Variants in ALDH1A2 observed in about 807,000 individuals in gnomAD.
ALDH1A2 encodes aldehyde dehydrogenase 1 family member A2.
ALDH1A2 carries 27 observed loss-of-function variants against 60.3 expected under a neutral mutation model. The ratio of observed to expected loss-of-function variants is 0.45; its 90% confidence interval spans 0.33 to 0.62. ALDH1A2 has a LOEUF of 0.62. ALDH1A2 is among the 20% of genes least tolerant of loss of function. ALDH1A2 has a pLI of 0.02. For missense variants in ALDH1A2, 581 were observed against 643.8 expected, an observed-to-expected ratio of 0.90 and a Z score of 1.06; for synonymous variants, 289 against 232.4, an observed-to-expected ratio of 1.24 and a Z score of -2.21.
chr15:57,973,948 C>T (rs1159294938), intron 7 of ALDH1A2, among the ~76,000 whole-genome samples: 2 of 152,180 alleles, frequency 1.3e-5, no homozygotes, highest in Non-Finnish European at 2.9e-5. Flanking sequence ...TTCTCTTTCC[C>T]AAATTCTCCC....
intron 1 of ALDH1A2, among the ~76,000 whole-genome samples, chr15:58,057,542 C>A (rs1290735382): frequency 2.6e-5 from 4 of 152,148 alleles, no homozygotes; most frequent in Non-Finnish European, 4.4e-5. Flanking sequence ...CAGGTACACA[C>A]ATTTGTTATA....
chr15:58,052,097 G>T (rs180710069), intron 1 of ALDH1A2, among the ~76,000 whole-genome samples: 38 of 152,186 alleles, frequency 2.5e-4, no homozygotes, highest in Admixed American at 1.0e-3. Context: ...ATTTCCGCTG[G>T]ATCTTTATGA....
chr15:57,999,424 A>G (rs1439178975), intron 4 of ALDH1A2, among the ~76,000 whole-genome samples: 1 of 152,228 alleles, frequency 6.6e-6, no homozygotes, highest in African/African-American at 2.4e-5. Flanking sequence ...CACGCAGCCA[A>G]AAAACATGAA....
chr15:57,956,232 G>A (rs1331443762), intron 12 of ALDH1A2, among the ~76,000 whole-genome samples: 1 of 152,218 alleles, frequency 6.6e-6, no homozygotes, highest in African/African-American at 2.4e-5. Flanking sequence ...GAGGGAAGGA[G>A]GAAGGGCGAG....
At chr15:57,965,061 G>T (rs571292332) in intron 8 of ALDH1A2, among the ~76,000 whole-genome samples, 1 of 152,118 alleles carries the variant, frequency 6.6e-6, no homozygotes, top group Non-Finnish European at 1.5e-5. Context: ...TTCCTTACCT[G>T]GAGAGCTTTT....
chr15:58,023,148 T>C (rs1595673148), intron 1 of ALDH1A2, among the ~76,000 whole-genome samples: 1 of 152,262 alleles, frequency 6.6e-6, no homozygotes, highest in South Asian at 2.1e-4. Flanking sequence ...AAATTTTTTT[T>C]TAAAGAAACA....
intron 7 of ALDH1A2, chr15:57,980,676 G>A (rs778047595): frequency 2.8e-5 from 5 of 176,170 alleles, no homozygotes; most frequent in East Asian, 1.8e-4. Context: ...GGGGCCACAC[G>A]GGACAGGGGT....
chr15:57,979,338 GA>G (rs1188594101), intron 7 of ALDH1A2, among the ~76,000 whole-genome samples: 1 of 152,174 alleles, frequency 6.6e-6, no homozygotes, highest in Admixed American at 6.5e-5. Context: ...TGCGGGTATA[GA>G]AACCACAAAC....
At chr15:58,055,100 T>C (rs1341718366) in intron 1 of ALDH1A2, among the ~76,000 whole-genome samples, 1 of 152,080 alleles carries the variant, frequency 6.6e-6, no homozygotes, top group Non-Finnish European at 1.5e-5. Flanking sequence ...AATTGTATTG[T>C]CTTTGTAGTG....
rs918136544 is a variant in ALDH1A2, at chr15:58,065,707, G to A, written c.-57C>T. The A allele has an allele frequency of 3.2e-6, 4 of 1,258,842 alleles. No individual in the cohort carries two copies. The highest frequency in any genetic ancestry group is 2.2e-6 in the Non-Finnish European group (2 of 922,908). 78.0% of individuals were successfully genotyped at this position (1,258,842 alleles called of 1,614,324 possible). On this transcript the variant is annotated 5_prime_UTR_variant, in exon 1 of 13. Transcript: ENST00000249750. ...GTGGGGCAGTGCGGGCTGTGCGCGC[G>A]GTCCGCGGCCCGGGGGCGCGCTCGC...
At chr15:57,995,208 T>C (rs1595651253) in intron 4 of ALDH1A2, 69 bp from the exon 5 acceptor site, 2 of 712,166 alleles carry the variant, frequency 2.8e-6, no homozygotes, top group Non-Finnish European at 4.4e-6. Context: ...GGGAGAACTT[T>C]GGTGGCTGCA....
chr15:57,970,896 G>C (rs1440210016), intron 7 of ALDH1A2, among the ~76,000 whole-genome samples: 1 of 152,024 alleles, frequency 6.6e-6, no homozygotes, highest in Non-Finnish European at 1.5e-5. Flanking sequence ...ACTGTGTTGG[G>C]AATAGAAATG....
At chr15:57,964,159 G>A in intron 8 of ALDH1A2, 90 bp from the exon 9 acceptor site, 3 of 1,408,222 alleles carry the variant, frequency 2.1e-6, no homozygotes, top group Non-Finnish European at 3.0e-6. Context: ...AAAGCCCTAG[G>A]TATAGTGTGC....
At chr15:58,038,654 A>G (rs1415225925) in intron 1 of ALDH1A2, 1 of 151,800 alleles carries the variant, frequency 6.6e-6, no homozygotes, top group African/African-American at 2.4e-5. Flanking sequence ...GCAACATGAC[A>G]TTAAAGCCAA....
At chr15:58,016,865 G>C (rs1014920901) in intron 1 of ALDH1A2, among the ~76,000 whole-genome samples, 3 of 150,610 alleles carry the variant, frequency 2.0e-5, no homozygotes, top group East Asian at 3.9e-4. Flanking sequence ...AGTTATAAAA[G>C]AAGTCTAGAG....
At chr15:58,038,896 CCT>C (rs1298439939) in intron 1 of ALDH1A2, among the ~76,000 whole-genome samples, 1 of 151,756 alleles carries the variant, frequency 6.6e-6, no homozygotes, top group Non-Finnish European at 1.5e-5. Context: ...ATATAAAGTG[CCT>C]CATCCAATGT....
chr15:58,037,249 T>C (rs1268427326), intron 1 of ALDH1A2, among the ~76,000 whole-genome samples: 3 of 151,060 alleles, frequency 2.0e-5, no homozygotes, highest in Non-Finnish European at 4.4e-5. Context: ...AAAGAAGACC[T>C]CAGAAAAGAG....
intron 1 of ALDH1A2, among the ~76,000 whole-genome samples, chr15:58,061,147 T>C (rs1897022958): frequency 1.3e-5 from 2 of 152,124 alleles, no homozygotes; most frequent in African/African-American, 4.8e-5. Flanking sequence ...TAGGCCCATG[T>C]AGTGGAAGGG....
At chr15:57,968,072 T>C (rs948808836) in intron 7 of ALDH1A2, among the ~76,000 whole-genome samples, 17 of 152,162 alleles carry the variant, frequency 1.1e-4, no homozygotes, top group African/African-American at 4.1e-4. Flanking sequence ...TCTGTGACTG[T>C]CTGCTCTTCT....
Sources: allele counts gnomAD v4.1 joint callset (sites outside exome capture counted in the v4.1 genomes callset), GRCh38; gene constraint gnomAD v4.1.1; transcripts MANE v1.5; gene names NCBI Gene and HGNC (gene_info 2026-07-23, HGNC 2026-07-21).